OR2A5: variants seen among roughly 807,000 people sequenced by gnomAD.
OR2A5 encodes the protein olfactory receptor 2A5.
In OR2A5, 2 loss-of-function variants were observed where a neutral mutation model predicts 1.9. The observed-to-expected ratio is 1.04, with a 90% CI of 0.43 to 3.28. The LOEUF (loss-of-function observed/expected upper bound fraction) is 3.28. Among genes scored for constraint, OR2A5 ranks in the 30% most tolerant of loss-of-function variants. The pLI is 0.08. For synonymous variants in OR2A5, 160 were observed against 154.5 expected, an observed-to-expected ratio of 1.04 and a Z score of -0.26; for missense variants, 391 against 375.9, an observed-to-expected ratio of 1.04 and a Z score of -0.33.
rs536370664 is a variant in OR2A5 at position 144,052,160 on chromosome 7, C to T, written c.*823C>T. 2 of 152,132 alleles carry T rather than the reference C, an allele frequency of 1.3e-5. No individual in the cohort carries two copies. The highest frequency in any genetic ancestry group is 2.9e-5 in the Non-Finnish European group (2 of 68,014). The allele number at this position is 152,132 out of a possible 1,614,324, so 9.4% of individuals were successfully genotyped here. ...CAAAGGAAGAAAGCATCAAGGGAAA[C>T]TGACAGCTTGATGTAACATCATAGA... On this transcript the variant is annotated 3_prime_UTR_variant, in exon 2 of 2. Transcript: ENST00000641693.
intron 1 of OR2A5, among the ~76,000 whole-genome samples, chr7:144,049,453 TCTAGGATATG>T (rs1357054529): frequency 1.3e-5 from 2 of 152,190 alleles, no homozygotes; most frequent in African/African-American, 2.4e-5. Context: ...TTGATTGAAA[TCTAGGATATG>T]CTCTTTGAAT....
rs1200473411 is a variant in OR2A5, at chr7:144,050,929, C to T, written c.528C>T (p.His176=). 4.3e-6 allele frequency: 7 copies of T among 1,614,220 alleles called. No homozygotes were observed. The highest frequency in any genetic ancestry group is 5.9e-6 in the Non-Finnish European group (7 of 1,180,042). ...TCTGTGGGCCCCATGAAATCAACCA[C>T]TTCTTCTGTGAAATCCTGTCTGTCC... ...LPFCGPHEIN[H]FFCEILSVLK... is the part of the protein sequence containing the mutation. Residue 176 remains histidine, a synonymous_variant, in exon 2 of 2, where the codon CAC becomes CAT. Coordinates refer to ENST00000641693, the MANE Select transcript of OR2A5 (RefSeq NM_012365.2).
chr7:144,056,819 T>TTG lies in OR2A5; in HGVS notation c.*5483_*5484insGT, dbSNP rs1348340118. 6.2e-5 allele frequency: 9 copies of TTG among 144,910 alleles called. No homozygotes were observed. Among genetic ancestry groups the TTG allele is most frequent in the Admixed American group, 3.4e-4 (5 of 14,566 alleles). 9.0% of individuals were successfully genotyped at this position (144,910 alleles called of 1,614,324 possible). On this transcript the variant is annotated 3_prime_UTR_variant, in exon 2 of 2. Transcript: ENST00000641693. ...AAATAAGGACTAACTCTTGTTTTTT[T>TTG]TTTTTTTTTTTTTGAGACGGAGTCT...
rs1313058786 is a variant in OR2A5 at position 144,058,840 on chromosome 7, T to G, written c.*7503T>G. 1 of 152,206 alleles carries G rather than the reference T, an allele frequency of 6.6e-6. No homozygotes were observed. Among genetic ancestry groups the G allele is most frequent in the African/African-American group, 2.4e-5 (1 of 41,392 alleles). 9.4% of individuals were successfully genotyped at this position (152,206 alleles called of 1,614,324 possible). A position where few individuals can be genotyped will look rare whatever the true frequency, so the allele number is the denominator to read the frequency against. ...TGAACCCAGGAGGCGGAGGTTGCAG[T>G]GAGCCGAGATTGCACCACTGCACTC... On this transcript the variant is annotated 3_prime_UTR_variant, in exon 2 of 2. Transcript: ENST00000641693.
rs1447705111 is a variant in OR2A5, at chr7:144,055,634, C to T, written c.*4297C>T. The stretch of plus-strand genomic sequence containing the variant: ...TTGTATAAGCTTCATACTTGTGGTT[C>T]TCATACTTTTATTCCCACAATGCCA... On this transcript the variant is annotated 3_prime_UTR_variant, in exon 2 of 2. Coordinates refer to ENST00000641693, the MANE Select transcript of OR2A5 (RefSeq NM_012365.2). The T allele has an allele frequency of 6.6e-6, 1 of 152,176 alleles. No individual in the cohort carries two copies. The highest frequency in any genetic ancestry group is 1.5e-5 in the Non-Finnish European group (1 of 68,024). 9.4% of individuals were successfully genotyped at this position (152,176 alleles called of 1,614,324 possible).
In OR2A5 at chr7:144,057,545, T is replaced by G. The variant is rs1209906044; in HGVS notation, c.*6208T>G. Reference sequence around the variant, plus strand: ...AAAAGAATAACAAATAATAGTGGACTTCCCCTCAGCAAAACAGATGCCAAA... The same window carrying G: ...AAAAGAATAACAAATAATAGTGGACGTCCCCTCAGCAAAACAGATGCCAAA... On this transcript the variant is annotated 3_prime_UTR_variant, in exon 2 of 2. Transcript: ENST00000641693. The G allele has an allele frequency of 1.3e-5, 2 of 152,154 alleles. No homozygotes were observed. The highest frequency in any genetic ancestry group is 2.4e-5 in the African/African-American group (1 of 41,432). 9.4% of individuals were successfully genotyped at this position (152,154 alleles called of 1,614,324 possible).
At position 144,053,824 on chromosome 7, in the gene OR2A5, A is replaced by T. The variant is rs1464312881; in HGVS notation, c.*2487A>T. The T allele has an allele frequency of 6.6e-6, 1 of 152,264 alleles. No individual in the cohort carries two copies. Among genetic ancestry groups the T allele is most frequent in the South Asian group, 2.1e-4 (1 of 4,832 alleles). The allele number at this position is 152,264 out of a possible 1,614,324, so 9.4% of individuals were successfully genotyped here. A position where few individuals can be genotyped will look rare whatever the true frequency, so the allele number is the denominator to read the frequency against. On this transcript the variant is annotated 3_prime_UTR_variant, in exon 2 of 2. Coordinates refer to ENST00000641693, the MANE Select transcript of OR2A5 (RefSeq NM_012365.2). The stretch of plus-strand genomic sequence containing the variant: ...AGGATTCATTACCACCTTTGGGAAG[A>T]GTAGAAACACTCACATTAGCAGCAT...
rs2050907662 is a variant in OR2A5 at position 144,051,579 on chromosome 7, C to T, written c.*242C>T. On this transcript the variant is annotated 3_prime_UTR_variant, in exon 2 of 2. Coordinates refer to ENST00000641693, the MANE Select transcript of OR2A5 (RefSeq NM_012365.2). ...TGAACTCCTACTCCCAGGTCCCACC[C>T]CTACCCAGGATCTGCTTTCTGTTCT... 4.4e-6 allele frequency: 2 copies of T among 451,378 alleles called. No individual in the cohort carries two copies. The highest frequency in any genetic ancestry group is 7.8e-5 in the Admixed American group (2 of 25,612). 28.0% of individuals were successfully genotyped at this position (451,378 alleles called of 1,614,324 possible). A position where few individuals can be genotyped will look rare whatever the true frequency, so the allele number is the denominator to read the frequency against.
rs115249046 is a variant in OR2A5, at chr7:144,052,088, A to T, written c.*751A>T. ...CAAAGCCGGGTGTAGGTGACAATTT[A>T]TCATTACGGTGATTACATAAAATAT... On this transcript the variant is annotated 3_prime_UTR_variant, in exon 2 of 2. Coordinates refer to ENST00000641693, the MANE Select transcript of OR2A5 (RefSeq NM_012365.2). 9.2e-5 allele frequency: 14 copies of T among 152,340 alleles called. No individual in the cohort carries two copies. The highest frequency in any genetic ancestry group is 4.6e-4 in the Admixed American group (7 of 15,306). 9.4% of individuals were successfully genotyped at this position (152,340 alleles called of 1,614,324 possible). A position where few individuals can be genotyped will look rare whatever the true frequency, so the allele number is the denominator to read the frequency against.
rs2050948951 is a variant in OR2A5 at position 144,057,385 on chromosome 7, A to C, written c.*6048A>C. ...CTGATGGCTAAACACATGAATTCTC[A>C]GAACAAAAGATACTCTGAGTATCAA... On this transcript the variant is annotated 3_prime_UTR_variant, in exon 2 of 2. Coordinates refer to ENST00000641693, the MANE Select transcript of OR2A5 (RefSeq NM_012365.2). 6.6e-6 allele frequency: 1 copy of C among 152,216 alleles called. No individual in the cohort carries two copies. Among genetic ancestry groups the C allele is most frequent in the Admixed American group, 6.5e-5 (1 of 15,284 alleles). The allele number at this position is 152,216 out of a possible 1,614,324, so 9.4% of individuals were successfully genotyped here. A position where few individuals can be genotyped will look rare whatever the true frequency, so the allele number is the denominator to read the frequency against.
Position 144,051,682 on chromosome 7 carries a change from G to A in OR2A5, c.*345G>A, listed in dbSNP as rs76854150. 1,772 of 246,888 alleles carry A rather than the reference G, an allele frequency of 7.2e-3. 38 individuals carry two copies. Among genetic ancestry groups the A allele is most frequent in the African/African-American group, 0.037 (1,647 of 44,622 alleles). 15.3% of individuals were successfully genotyped at this position (246,888 alleles called of 1,614,324 possible). On this transcript the variant is annotated 3_prime_UTR_variant, in exon 2 of 2. Coordinates refer to ENST00000641693, the MANE Select transcript of OR2A5 (RefSeq NM_012365.2). ...CTCTTTTTGCCATAAGTATATGCTGGTAATCCCATACCATATGCTACTATA... is the reference window on the plus strand; with the variant it reads ...CTCTTTTTGCCATAAGTATATGCTGATAATCCCATACCATATGCTACTATA...
chr7:144,051,277 G>C lies in OR2A5; in HGVS notation c.876G>C (p.Leu292=). 6.2e-7 allele frequency: 1 copy of C among 1,613,966 alleles called. No individual in the cohort carries two copies. Among genetic ancestry groups the C allele is most frequent in the Non-Finnish European group, 8.5e-7 (1 of 1,179,890 alleles). The change falls in exon 2 of 2, where the codon CTG becomes CTC. Residue 292 remains leucine (L), a synonymous_variant. Coordinates refer to ENST00000641693, the MANE Select transcript of OR2A5 (RefSeq NM_012365.2). The part of the protein sequence containing the change: ...NPMLNPLIYS[L]RNAEVKGALK... ...TGCTGAACCCCTTGATCTATAGCCT[G>C]AGGAACGCAGAGGTCAAGGGTGCCC...
chr7:144,056,716 G>A lies in OR2A5; in HGVS notation c.*5379G>A, dbSNP rs748469920. ...ATTTTAGATGGCCAGGGATTAAGAC[G>A]GAAAATAATTAGAAAATAACAGATG... On this transcript the variant is annotated 3_prime_UTR_variant, in exon 2 of 2. Transcript: ENST00000641693. 6.6e-6 allele frequency: 1 copy of A among 151,654 alleles called. No homozygotes were observed. The highest frequency in any genetic ancestry group is 1.5e-5 in the Non-Finnish European group (1 of 67,970). 9.4% of individuals were successfully genotyped at this position (151,654 alleles called of 1,614,324 possible). A position where few individuals can be genotyped will look rare whatever the true frequency, so the allele number is the denominator to read the frequency against.
rs1377917606 is a variant in OR2A5 at position 144,050,593 on chromosome 7, C to A, written c.192C>A (p.His64Gln). The change falls in exon 2 of 2, where the codon CAC (histidine) becomes CAA (glutamine). Residue 64 changes from histidine to glutamine, a missense_variant. Physicochemically the swap from His to Gln is conservative, Grantham distance 24. Transcript: ENST00000641693. ...CCCCCATGTACTTCTTTCTCTCACA[C>A]CTGGCCATCATTGATATTTCGTATG... is the stretch of plus-strand genomic sequence containing the variant. ...LHTPMYFFLS[H>Q]LAIIDISYAS... 2.5e-6 allele frequency: 4 copies of A among 1,611,316 alleles called. No individual in the cohort carries two copies. The highest frequency in any genetic ancestry group is 2.7e-5 in the African/African-American group (2 of 74,926).
rs1162726858 is a variant in OR2A5 at position 144,055,258 on chromosome 7, A to T, written c.*3921A>T. On this transcript the variant is annotated 3_prime_UTR_variant, in exon 2 of 2. Coordinates refer to ENST00000641693, the MANE Select transcript of OR2A5 (RefSeq NM_012365.2). ...AGTGGAATTAACATCAATATGAGAA[A>T]ATATTTTTGAACATTATAAGTTATG... The T allele has an allele frequency of 1.3e-5, 2 of 152,206 alleles. No homozygotes were observed. Among genetic ancestry groups the T allele is most frequent in the East Asian group, 1.9e-4 (1 of 5,194 alleles). The allele number at this position is 152,206 out of a possible 1,614,324, so 9.4% of individuals were successfully genotyped here.
At position 144,050,937 on chromosome 7, in the gene OR2A5, G is replaced by C; in HGVS notation, c.536G>C (p.Cys179Ser). ...CCCCATGAAATCAACCACTTCTTCT[G>C]TGAAATCCTGTCTGTCCTCAAGTTG... ...CGPHEINHFF[C>S]EILSVLKLAC... Residue 179 changes from cysteine to serine, a missense_variant, in exon 2 of 2, where the codon TGT becomes TCT. Cys to Ser is a moderately radical substitution (Grantham distance 112). Coordinates refer to ENST00000641693, the MANE Select transcript of OR2A5 (RefSeq NM_012365.2). 6.2e-7 allele frequency: 1 copy of C among 1,614,198 alleles called. No homozygotes were observed. Among genetic ancestry groups the C allele is most frequent in the Non-Finnish European group, 8.5e-7 (1 of 1,180,028 alleles).
rs2050920329 is a variant in OR2A5 at position 144,053,700 on chromosome 7, A to C, written c.*2363A>C. 6.6e-6 allele frequency: 1 copy of C among 152,252 alleles called. No homozygotes were observed. The highest frequency in any genetic ancestry group is 2.4e-5 in the African/African-American group (1 of 41,476). 9.4% of individuals were successfully genotyped at this position (152,252 alleles called of 1,614,324 possible). A position where few individuals can be genotyped will look rare whatever the true frequency, so the allele number is the denominator to read the frequency against. ...TCAACAGGGGTTAGACTCAACATCC[A>C]CATGATGGGGCAGAGTCTGGAACAA... On this transcript the variant is annotated 3_prime_UTR_variant, in exon 2 of 2. Transcript: ENST00000641693.
At chr7:144,049,871 T>C (rs2050887727) in intron 1 of OR2A5, among the ~76,000 whole-genome samples, 1 of 152,272 alleles carries the variant, frequency 6.6e-6, no homozygotes, top group African/African-American at 2.4e-5. Flanking sequence ...CCTCATTTCC[T>C]AATTCATGCT....
rs749106253 is a variant in OR2A5, at chr7:144,051,060, G to A, written c.659G>A (p.Arg220His). The A allele has an allele frequency of 4.0e-5, 65 of 1,614,118 alleles. No individual in the cohort carries two copies. Among genetic ancestry groups the A allele is most frequent in the Middle Eastern group, 1.7e-4 (1 of 6,000 alleles). The change falls in exon 2 of 2, where the codon CGC becomes CAC. Residue 220 changes from arginine to histidine, a missense_variant. Physicochemically the swap from Arg to His is conservative, Grantham distance 29 (BLOSUM62 0). Coordinates refer to ENST00000641693, the MANE Select transcript of OR2A5 (RefSeq NM_012365.2). ...TGCCTGGTGCTGGTCTCCTACTCGC[G>A]CATCCTGGCGGCCATCTTGAGGATC... ...PLCLVLVSYS[R>H]ILAAILRIQS...
Sources: allele counts gnomAD v4.1 joint callset (sites outside exome capture counted in the v4.1 genomes callset), GRCh38; gene constraint gnomAD v4.1.1; transcripts MANE v1.5; gene names NCBI Gene and HGNC (gene_info 2026-07-23, HGNC 2026-07-21).